The following ARHGAP28 variants were observed in gnomAD, a reference collection of about 807,000 sequenced individuals.
ARHGAP28 encodes the protein Rho GTPase activating protein 28.
A neutral mutation model predicts 90.7 loss-of-function variants in ARHGAP28; 56 were observed. The ratio of observed to expected loss-of-function variants is 0.62; its 90% CI spans 0.50 to 0.77. The LOEUF is 0.77. Ranked by LOEUF, ARHGAP28 falls within the 30% of genes least tolerant of loss-of-function variation. ARHGAP28 has a pLI of 0.00. For missense variants in ARHGAP28, 869 were observed against 900.9 expected (o/e 0.96, Z 0.45); for synonymous variants, 308 against 323.3 (o/e 0.95, Z 0.51).
chr18:6,761,768 C>T (rs1231860074), intron 1 of ARHGAP28, among the ~76,000 whole-genome samples: 5 of 152,294 alleles, frequency 3.3e-5, no homozygotes, highest in East Asian at 1.9e-4. Context: ...CTCTGCAATT[C>T]GGAAGACTCA....
At chr18:6,839,141 C>T (rs2056777196) in intron 3 of ARHGAP28, among the ~76,000 whole-genome samples, 1 of 152,032 alleles carries the variant, frequency 6.6e-6, no homozygotes, top group South Asian at 2.1e-4. Context: ...ACAACAACAA[C>T]CAAATAAATG....
chr18:6,768,113 C>A (rs928337674), intron 1 of ARHGAP28, among the ~76,000 whole-genome samples: 4 of 152,086 alleles, frequency 2.6e-5, no homozygotes, highest in African/African-American at 4.8e-5. Flanking sequence ...GTATATTTTT[C>A]ATTTCAGATA....
intron 14 of ARHGAP28, 106 bp downstream of exon 14, chr18:6,890,649 C>A (rs768660277): frequency 4.7e-6 from 3 of 639,878 alleles, no homozygotes; most frequent in African/African-American, 1.8e-5. Context: ...TTTATATTCT[C>A]AAGGATCAGG....
At chr18:6,792,622 G>C (rs1567949162) in intron 1 of ARHGAP28, among the ~76,000 whole-genome samples, 1 of 152,280 alleles carries the variant, frequency 6.6e-6, no homozygotes, top group South Asian at 2.1e-4. Context: ...AGTGCAAGGG[G>C]GAAGCAAGTG....
intron 2 of ARHGAP28, among the ~76,000 whole-genome samples, chr18:6,828,216 C>A (rs1246089043): frequency 6.6e-6 from 1 of 152,284 alleles, no homozygotes; most frequent in Non-Finnish European, 1.5e-5. Flanking sequence ...TCAGGCGTGG[C>A]GGCACGCGCC....
At chr18:6,792,620 G>A (rs2056414492) in intron 1 of ARHGAP28, among the ~76,000 whole-genome samples, 1 of 152,168 alleles carries the variant, frequency 6.6e-6, no homozygotes, top group South Asian at 2.1e-4. Context: ...ACAGTGCAAG[G>A]GGGAAGCAAG....
intron 1 of ARHGAP28, among the ~76,000 whole-genome samples, chr18:6,801,463 A>T (rs2056481357): frequency 6.6e-6 from 1 of 152,138 alleles, no homozygotes; most frequent in South Asian, 2.1e-4. Flanking sequence ...TCTTTTTCAC[A>T]GTAGTTTTGG....
chr18:6,797,765 G>T (rs2056452005), intron 1 of ARHGAP28, among the ~76,000 whole-genome samples: 1 of 151,660 alleles, frequency 6.6e-6, no homozygotes, highest in Admixed American at 6.6e-5. Context: ...GGGTTCAAGT[G>T]ATTCTCCTGC....
intron 14 of ARHGAP28, among the ~76,000 whole-genome samples, chr18:6,893,473 T>C (rs1428612371): frequency 6.6e-6 from 1 of 152,244 alleles, no homozygotes; most frequent in Non-Finnish European, 1.5e-5. Context: ...TGCCAGTTCA[T>C]CCATTGCTTT....
At chr18:6,908,616 G>A (rs1600312352) in intron 16 of ARHGAP28, among the ~76,000 whole-genome samples, 1 of 152,178 alleles carries the variant, frequency 6.6e-6, no homozygotes, top group Admixed American at 6.5e-5. Flanking sequence ...CAATGACAAG[G>A]CAGTACTAAA....
intron 3 of ARHGAP28, among the ~76,000 whole-genome samples, chr18:6,840,086 A>G (rs1261657084): frequency 6.6e-6 from 1 of 152,208 alleles, no homozygotes; most frequent in Non-Finnish European, 1.5e-5. Flanking sequence ...AAAGATACAC[A>G]GTACCTAGTA....
Position 6,747,659 on chromosome 18 carries a change from G to A in ARHGAP28, c.122+17716G>A, listed in dbSNP as rs1600147689. 3.3e-5 allele frequency among the ~76,000 whole-genome samples: 5 copies of A among 152,284 alleles called. No individual in the cohort carries two copies. In the South Asian group the frequency reaches 1.0e-3, roughly 32 times the overall value. ...AGCAAAAAATTCTTTTAGTGCTCTT[G>A]AAGAGTTCATGCTTCCCCACAGAAA... On this transcript the variant is annotated intron_variant, in intron 1 of 17. Coordinates refer to ENST00000383472, the MANE Select transcript of ARHGAP28 (RefSeq NM_001366230.1).
chr18:6,813,703 A>T (rs1301624768), intron 1 of ARHGAP28, among the ~76,000 whole-genome samples: 1 of 152,132 alleles, frequency 6.6e-6, no homozygotes, highest in Non-Finnish European at 1.5e-5. Flanking sequence ...TAGGCAGGAG[A>T]CGGGTGATGG....
At chr18:6,900,506 T>TG (rs2057332678) in intron 16 of ARHGAP28, among the ~76,000 whole-genome samples, 1 of 151,916 alleles carries the variant, frequency 6.6e-6, no homozygotes, top group Non-Finnish European at 1.5e-5. Flanking sequence ...AACTGAAAAA[T>TG]GCAAAAACTG....
intron 1 of ARHGAP28, among the ~76,000 whole-genome samples, chr18:6,793,459 C>T (rs1241966913): frequency 6.6e-6 from 1 of 152,090 alleles, no homozygotes; most frequent in Non-Finnish European, 1.5e-5. Context: ...GAATGGACGG[C>T]TTTGAGGTGG....
intron 12 of ARHGAP28, among the ~76,000 whole-genome samples, chr18:6,889,404 C>G (rs2057246784): frequency 6.6e-6 from 1 of 152,062 alleles, no homozygotes; most frequent in African/African-American, 2.4e-5. Context: ...TACATTTGGG[C>G]TGAGGAATGA....
chr18:6,899,843 GC>G, intron 16 of ARHGAP28, among the ~76,000 whole-genome samples: 1 of 152,060 alleles, frequency 6.6e-6, no homozygotes, highest in Non-Finnish European at 1.5e-5. Flanking sequence ...GTTCCCTGGT[GC>G]CCTTACTAGT....
At chr18:6,832,273 A>G (rs1413245782) in intron 2 of ARHGAP28, among the ~76,000 whole-genome samples, 1 of 151,958 alleles carries the variant, frequency 6.6e-6, no homozygotes, top group Non-Finnish European at 1.5e-5. Flanking sequence ...GTTATGTAAC[A>G]TAGTTTATAT....
chr18:6,914,801 G>A lies in ARHGAP28; in HGVS notation c.*2647G>A, dbSNP rs1033648462. ...CTAACATTTTAGGAATGCTTATTCA[G>A]AAAAAAATCCTAGAGTTGATTCATT... On this transcript the variant is annotated 3_prime_UTR_variant, in exon 18 of 18. Coordinates refer to ENST00000383472, the MANE Select transcript of ARHGAP28 (RefSeq NM_001366230.1). 4 of 152,272 alleles carry A rather than the reference G, an allele frequency of 2.6e-5. No homozygotes were observed. Among genetic ancestry groups the A allele is most frequent in the African/African-American group, 9.7e-5 (4 of 41,388 alleles). The allele number at this position is 152,272 out of a possible 1,614,324, so 9.4% of individuals were successfully genotyped here.
Sources: allele counts gnomAD v4.1 joint callset (sites outside exome capture counted in the v4.1 genomes callset), GRCh38; gene constraint gnomAD v4.1.1; transcripts MANE v1.5; gene names NCBI Gene and HGNC (gene_info 2026-07-23, HGNC 2026-07-21).